ZNF695: variants seen among roughly 807,000 people sequenced by gnomAD.
ZNF695 encodes the protein zinc finger protein SBZF3.
A neutral mutation model predicts 11.2 loss-of-function variants in ZNF695; 11 were observed. The ratio of observed to expected loss-of-function variants is 0.98; its 90% CI spans 0.62 to 1.62. The LOEUF (loss-of-function observed/expected upper bound fraction) is 1.62, where lower values mean the gene tolerates loss of function less well. Ranked by LOEUF, ZNF695 falls within the 40% of genes most tolerant of loss-of-function variation. The probability of loss-of-function intolerance (pLI) is 0.00; values close to 1 mark genes in which losing one functional copy is unlikely to be tolerated. For synonymous variants in ZNF695, 190 were observed against 201.4 expected (o/e 0.94, Z 0.48); for missense variants, 559 against 590.5 (o/e 0.95, Z 0.55).
At chr1:246,961,991 C>T (rs1158094395) in intron 5 of ZNF695, among the ~76,000 whole-genome samples, 3 of 152,298 alleles carry the variant, frequency 2.0e-5, no homozygotes, top group South Asian at 2.1e-4. Flanking sequence ...GTGGTGGTGA[C>T]GATCACTGCT....
intron 3 of ZNF695, among the ~76,000 whole-genome samples, chr1:246,995,813 CAAAA>C (rs60375785): frequency 3.9e-4 from 26 of 66,760 alleles, no homozygotes; most frequent in African/African-American, 8.9e-4. Flanking sequence ...GACTCTGTCT[CAAAA>C]AAAAAAAAAA....
chr1:246,962,841 C>T (rs989725334), intron 5 of ZNF695, among the ~76,000 whole-genome samples: 7 of 152,208 alleles, frequency 4.6e-5, no homozygotes, highest in South Asian at 2.1e-4. Context: ...TACAGGCACC[C>T]GCCACCACGC....
chr1:246,980,193 A>C (rs1023871537), intron 4 of ZNF695, among the ~76,000 whole-genome samples: 26 of 150,924 alleles, frequency 1.7e-4, no homozygotes, highest in Non-Finnish European at 3.0e-4. Flanking sequence ...AAAAAAAAAA[A>C]AAAAAAAAAA....
At chr1:246,945,914 G>T in intron 5 of ZNF695, 4 of 1,490,368 alleles carry the variant, frequency 2.7e-6, no homozygotes, top group Non-Finnish European at 3.7e-6. Flanking sequence ...AACCGGTTCT[G>T]ATTGAAGACT....
At chr1:246,997,469 C>T (rs1669245750) in intron 3 of ZNF695, among the ~76,000 whole-genome samples, 2 of 151,452 alleles carry the variant, frequency 1.3e-5, no homozygotes, top group Non-Finnish European at 2.9e-5. Context: ...CGCCACTGCA[C>T]TCCAGCCTGG....
At chr1:246,960,494 C>A (rs574886533) in intron 5 of ZNF695, among the ~76,000 whole-genome samples, 63 of 152,262 alleles carry the variant, frequency 4.1e-4, no homozygotes, top group African/African-American at 1.3e-3. Context: ...TGTTCTCTCT[C>A]TATATATATG....
chr1:246,986,731 A>C lies in ZNF695; in HGVS notation c.*236T>G. 14 of 1,217,664 alleles carry C rather than the reference A, an allele frequency of 1.1e-5. No homozygotes were observed. Among genetic ancestry groups the C allele is most frequent in the Non-Finnish European group, 1.4e-5 (14 of 977,516 alleles). 75.4% of individuals were successfully genotyped at this position (1,217,664 alleles called of 1,614,324 possible). On this transcript the variant is annotated 3_prime_UTR_variant, in exon 4 of 4. Transcript: ENST00000339986. Reference sequence around the variant, plus strand: ...TTGAGCAACTGGAGGGTTTCCCTCCAGTATAAATTCTTCTGTGTACAGTAA... The same window carrying C: ...TTGAGCAACTGGAGGGTTTCCCTCCCGTATAAATTCTTCTGTGTACAGTAA...
rs145546729 is a variant in ZNF695 at position 246,990,346 on chromosome 1, A to G, written c.260-2091T>C. 1.3e-3 allele frequency among the ~76,000 whole-genome samples: 192 copies of G among 152,380 alleles called. 3 individuals carry two copies. Among genetic ancestry groups the G allele is most frequent in the African/African-American group, 4.5e-3 (186 of 41,602 alleles). On this transcript the variant is annotated intron_variant, in intron 3 of 3. Coordinates refer to ENST00000339986, the MANE Select transcript of ZNF695 (RefSeq NM_020394.5). ...CTGGTGTCAGTCAAAACAGATTTCA[A>G]GACCAAAAGTATAAGAAGAGAAAAA...
chr1:246,993,836 G>C (rs575523384), intron 3 of ZNF695, among the ~76,000 whole-genome samples: 1 of 152,256 alleles, frequency 6.6e-6, no homozygotes, highest in Admixed American at 6.5e-5. Flanking sequence ...AAGAATATAA[G>C]GTAAGCAAAT....
intron 5 of ZNF695, among the ~76,000 whole-genome samples, chr1:246,948,236 G>T (rs1667787776): frequency 6.6e-6 from 1 of 152,142 alleles, no homozygotes; most frequent in South Asian, 2.1e-4. Context: ...ACCACGCCTG[G>T]CTAATTTTTG....
chr1:246,996,836 T>C (rs556854447), intron 3 of ZNF695, among the ~76,000 whole-genome samples: 6 of 152,120 alleles, frequency 3.9e-5, no homozygotes, highest in African/African-American at 1.4e-4. Context: ...CCTTAAAAAA[T>C]AGAATGGTGT....
At chr1:247,007,066 A>C (rs2103036229) in intron 1 of ZNF695, among the ~76,000 whole-genome samples, 1 of 152,332 alleles carries the variant, frequency 6.6e-6, no homozygotes, top group East Asian at 1.9e-4. Context: ...CAATTATTAA[A>C]CGTGGTTGCT....
intron 3 of ZNF695, among the ~76,000 whole-genome samples, chr1:246,996,521 T>C (rs1382097099): frequency 6.6e-6 from 1 of 152,048 alleles, no homozygotes; most frequent in African/African-American, 2.4e-5. Context: ...GCCCAAGAAA[T>C]TGACATGTCT....
chr1:246,979,586 A>C (rs1049693190), intron 4 of ZNF695, among the ~76,000 whole-genome samples: 3 of 152,162 alleles, frequency 2.0e-5, no homozygotes, highest in African/African-American at 7.2e-5. Context: ...ATGTTATTGA[A>C]ATCTTTACTA....
In ZNF695 at chr1:246,986,875, G is replaced by GC; in HGVS notation, c.*91_*92insG. Reference sequence around the variant, plus strand: ...TGGCCTTTTGACAGTCATTACATTTGTAACACTCTTATTCAGTAAAAATAT... The same window carrying GC: ...TGGCCTTTTGACAGTCATTACATTTGCTAACACTCTTATTCAGTAAAAATAT... On this transcript the variant is annotated 3_prime_UTR_variant, in exon 4 of 4. Coordinates refer to ENST00000339986, the MANE Select transcript of ZNF695 (RefSeq NM_020394.5). The GC allele has an allele frequency of 6.8e-7, 1 of 1,475,458 alleles. No homozygotes were observed. The highest frequency in any genetic ancestry group is 9.0e-7 in the Non-Finnish European group (1 of 1,114,952). 91.4% of individuals were successfully genotyped at this position (1,475,458 alleles called of 1,614,324 possible). A position where few individuals can be genotyped will look rare whatever the true frequency, so the allele number is the denominator to read the frequency against.
At chr1:246,966,508 G>A (rs763915719) in intron 5 of ZNF695, among the ~76,000 whole-genome samples, 4 of 151,892 alleles carry the variant, frequency 2.6e-5, no homozygotes, top group African/African-American at 4.8e-5. Flanking sequence ...AAAGTGAGAC[G>A]GCACAGTGAG....
chr1:246,987,868 T>G lies in ZNF695; in HGVS notation c.647A>C (p.Lys216Thr). 6.2e-7 allele frequency: 1 copy of G among 1,609,032 alleles called. No individual in the cohort carries two copies. The highest frequency in any genetic ancestry group is 1.1e-5 in the South Asian group (1 of 89,852). ...HIGENPYQCK[K>T]CGKAFNECSC... ...GCACTCATTAAAGGCTTTGCCACAT[T>G]TTTTACATTGGTACGGGTTCTCTCC... The change falls in exon 4 of 4, where the codon AAA becomes ACA. Residue 216 changes from lysine (K) to threonine (T), a missense_variant. By Grantham distance (78) the Lys-to-Thr change is moderately conservative. Coordinates refer to ENST00000339986, the MANE Select transcript of ZNF695 (RefSeq NM_020394.5).
chr1:246,970,400 AC>A (rs1276024339), intron 4 of ZNF695, among the ~76,000 whole-genome samples: 1 of 152,160 alleles, frequency 6.6e-6, no homozygotes, highest in Admixed American at 6.5e-5. Flanking sequence ...AGGAATCCAA[AC>A]AGAGCCCAAG....
intron 4 of ZNF695, among the ~76,000 whole-genome samples, chr1:246,973,941 G>A (rs1158358864): frequency 6.6e-6 from 1 of 152,060 alleles, no homozygotes; most frequent in African/African-American, 2.4e-5. Context: ...CATGGCCTCA[G>A]TATAACCGTT....
Sources: gnomAD v4.1 joint callset for allele counts (sites outside exome capture counted in the v4.1 genomes callset) on GRCh38, gnomAD v4.1.1 for gene constraint, MANE v1.5 for transcripts, NCBI Gene and HGNC (gene_info 2026-07-23, HGNC 2026-07-21) for gene names.